Variants in SCP2 observed in about 807,000 individuals in gnomAD.
SCP2 encodes the protein SCP-2/3-oxoacyl-CoA thiolase.
SCP2 carries 48 observed loss-of-function variants against 71.4 expected under a neutral mutation model. The ratio of observed to expected loss-of-function variants is 0.67; its 90% CI spans 0.53 to 0.86. SCP2 has a LOEUF of 0.86. Among genes scored for constraint, SCP2 ranks in the 40% least tolerant of loss-of-function variants. The probability of loss-of-function intolerance (pLI) is 0.00; values close to 1 mark genes in which losing one functional copy is unlikely to be tolerated. For synonymous variants in SCP2, 220 were observed against 218.1 expected (o/e 1.01, Z -0.08); for missense variants, 560 against 655.6 (o/e 0.85, Z 1.59).
chr1:52,928,229 G>T (rs914205099), intron 1 of SCP2, among the ~76,000 whole-genome samples: 1 of 152,192 alleles, frequency 6.6e-6, no homozygotes, highest in South Asian at 2.1e-4. Flanking sequence ...CGGCAGTACC[G>T]GGCAGTACTA....
At chr1:52,962,924 C>A (rs1318586393) in intron 6 of SCP2, among the ~76,000 whole-genome samples, 3 of 150,068 alleles carry the variant, frequency 2.0e-5, no homozygotes, top group African/African-American at 7.4e-5. Context: ...TATATATATT[C>A]TTGTTTATTG....
intron 7 of SCP2, 27 bp from the exon 8 acceptor site, chr1:52,976,656 T>C (rs1411044975): frequency 8.9e-7 from 1 of 1,129,078 alleles, no homozygotes; most frequent in African/African-American, 1.5e-5. Context: ...TCTCACATTC[T>C]GTAACTAATA....
At chr1:53,002,216 GA>G (rs983248727) in intron 11 of SCP2, among the ~76,000 whole-genome samples, 1 of 151,098 alleles carries the variant, frequency 6.6e-6, no homozygotes, top group Non-Finnish European at 1.5e-5. Context: ...AAAGAAAAAA[GA>G]AAAAAATATC....
chr1:52,943,827 C>A, intron 2 of SCP2: 1 of 451,008 alleles, frequency 2.2e-6, no homozygotes, highest in South Asian at 1.8e-5. Context: ...GGTTTCTTCA[C>A]CCCTGCAGTA....
chr1:53,037,941 C>G (rs12064068), intron 13 of SCP2, among the ~76,000 whole-genome samples: 15,738 of 125,038 alleles, frequency 0.13, 1,844 homozygotes, highest in African/African-American at 0.29. Flanking sequence ...GATCCAGATC[C>G]TGTCTCTATA....
intron 4 of SCP2, among the ~76,000 whole-genome samples, chr1:52,952,380 C>T (rs547748154): frequency 1.8e-4 from 27 of 151,962 alleles, no homozygotes; most frequent in African/African-American, 6.0e-4. Context: ...GTATTTTAAA[C>T]GTACAAGAAA....
In SCP2 at chr1:53,027,953, A is replaced by G. The variant is rs17107640; in HGVS notation, c.1236-16A>G. 139,509 of 1,423,416 alleles carry G rather than the reference A, an allele frequency of 0.098. 10,625 individuals carry two copies. The highest frequency in any genetic ancestry group is 0.32 in the East Asian group (14,222 of 43,878). The allele number at this position is 1,423,416 out of a possible 1,614,324, so 88.2% of individuals were successfully genotyped here. A position where few individuals can be genotyped will look rare whatever the true frequency, so the allele number is the denominator to read the frequency against. The stretch of plus-strand genomic sequence containing the variant: ...CCTATGTGACTCCATGAATTGAAAC[A>G]GTTTCTTTTCCCCAGTTCTTTTAGA... On this transcript the variant is annotated splice_polypyrimidine_tract_variant and intron_variant, in intron 12 of 15. Transcript: ENST00000371514.
intron 1 of SCP2, among the ~76,000 whole-genome samples, chr1:52,936,927 A>G (rs1315299265): frequency 6.6e-6 from 1 of 152,106 alleles, no homozygotes; most frequent in East Asian, 1.9e-4. Flanking sequence ...ATTCATTAGG[A>G]TATGCATTTA....
chr1:52,972,924 C>T (rs946129017), intron 6 of SCP2, among the ~76,000 whole-genome samples: 3 of 152,198 alleles, frequency 2.0e-5, no homozygotes, highest in African/African-American at 7.2e-5. Context: ...TGAGGTTTCT[C>T]ATAGTTGTTG....
chr1:52,961,675 C>G, intron 6 of SCP2, 46 bp downstream of exon 6: 1 of 1,509,684 alleles, frequency 6.6e-7, no homozygotes, highest in Non-Finnish European at 9.2e-7. Flanking sequence ...TAGTTATATA[C>G]ATGAGATGAG....
intron 14 of SCP2, among the ~76,000 whole-genome samples, chr1:53,042,169 A>G (rs1663481366): frequency 6.6e-6 from 1 of 152,016 alleles, no homozygotes; most frequent in Non-Finnish European, 1.5e-5. Context: ...TTTGCATTCT[A>G]TGAGCTGCCA....
chr1:53,016,933 T>C (rs1006688125), intron 12 of SCP2, among the ~76,000 whole-genome samples: 1 of 152,128 alleles, frequency 6.6e-6, no homozygotes, highest in African/African-American at 2.4e-5. Context: ...TGTAGGAGTG[T>C]GGAGGAGAAA....
chr1:52,992,259 GCT>G (rs1167160039), intron 11 of SCP2, among the ~76,000 whole-genome samples: 1 of 151,696 alleles, frequency 6.6e-6, no homozygotes, highest in Non-Finnish European at 1.5e-5. Flanking sequence ...CACAAGGTAT[GCT>G]ATGAAAGCGT....
intron 8 of SCP2, among the ~76,000 whole-genome samples, chr1:52,976,991 C>T (rs941267310): frequency 6.6e-6 from 1 of 152,078 alleles, no homozygotes; most frequent in African/African-American, 2.4e-5. Context: ...TTTACTTCTT[C>T]TTGCAGGACT....
intron 4 of SCP2, among the ~76,000 whole-genome samples, chr1:52,952,336 T>C (rs1270260724): frequency 6.6e-6 from 1 of 152,168 alleles, no homozygotes; most frequent in African/African-American, 2.4e-5. Flanking sequence ...TATTCCATTG[T>C]ATGGATATAT....
In SCP2 at chr1:52,941,872, A is replaced by T; in HGVS notation, c.127+19A>T. The T allele has an allele frequency of 6.4e-7, 1 of 1,550,880 alleles. No individual in the cohort carries two copies. The highest frequency in any genetic ancestry group is 8.9e-7 in the Non-Finnish European group (1 of 1,122,516). ...GAAGCAGGTAACATAGAACATTTAG[A>T]TCTTTGAACATTCATAGTTTATTAT... is the stretch of plus-strand genomic sequence containing the variant. On this transcript the variant is annotated intron_variant, in intron 2 of 15. Coordinates refer to ENST00000371514, the MANE Select transcript of SCP2 (RefSeq NM_002979.5).
intron 1 of SCP2, among the ~76,000 whole-genome samples, chr1:52,936,960 A>G (rs1653799860): frequency 6.6e-6 from 1 of 152,202 alleles, no homozygotes; most frequent in Non-Finnish European, 1.5e-5. Context: ...AAAATCCTAA[A>G]AATTGTACAG....
chr1:52,957,646 G>A (rs1161379296), intron 5 of SCP2, among the ~76,000 whole-genome samples: 6 of 152,206 alleles, frequency 3.9e-5, no homozygotes, highest in Non-Finnish European at 4.4e-5. Context: ...CCCAACCTGG[G>A]CAACCGAGGA....
chr1:52,975,280 A>G (rs1257933636), intron 7 of SCP2, among the ~76,000 whole-genome samples: 1 of 152,092 alleles, frequency 6.6e-6, no homozygotes, highest in African/African-American at 2.4e-5. Flanking sequence ...CCCTGGGTTC[A>G]AGCGATTCTC....
Sources: allele counts gnomAD v4.1 joint callset (sites outside exome capture counted in the v4.1 genomes callset), GRCh38; gene constraint gnomAD v4.1.1; transcripts MANE v1.5; gene names NCBI Gene and HGNC (gene_info 2026-07-23, HGNC 2026-07-21).